Variants in MYO1E observed in about 807,000 individuals in gnomAD.
MYO1E encodes myosin IE.
In MYO1E, 68 loss-of-function variants were observed where a neutral mutation model predicts 151.1. The observed-to-expected ratio is 0.45, with a 90% CI of 0.37 to 0.55. MYO1E has a LOEUF of 0.55. MYO1E is among the 20% of genes least tolerant of loss of function. The probability of loss-of-function intolerance (pLI) is 0.00; values close to 1 mark genes in which losing one functional copy is unlikely to be tolerated. For missense variants in MYO1E, 1,363 were observed against 1,389.3 expected (o/e 0.98, Z 0.30); for synonymous variants, 601 against 501.7 (o/e 1.20, Z -2.64).
chr15:59,207,829 ACTT>A, intron 14 of MYO1E: 1 of 1,614,144 alleles, frequency 6.2e-7, no homozygotes, highest in Non-Finnish European at 8.5e-7. Flanking sequence ...GAAAGGTTAT[ACTT>A]CTTGGGCCAT....
rs1252792695 is a variant in MYO1E at position 59,163,313 on chromosome 15, G to A, written c.2481-10C>T. 1.2e-6 allele frequency: 2 copies of A among 1,611,826 alleles called. No individual in the cohort carries two copies. The highest frequency in any genetic ancestry group is 1.3e-5 in the African/African-American group (1 of 74,840). On this transcript the variant is annotated splice_polypyrimidine_tract_variant and intron_variant, in intron 22 of 27. Coordinates refer to ENST00000288235, the MANE Select transcript of MYO1E (RefSeq NM_004998.4). ...GTCATCCTGCATAGTACTGTAAAGA[G>A]ATTGGACAAACACACTTGGTGAAAG...
chr15:59,200,596 G>A (rs139366805), intron 16 of MYO1E, among the ~76,000 whole-genome samples: 2 of 152,128 alleles, frequency 1.3e-5, no homozygotes, highest in Non-Finnish European at 2.9e-5. Flanking sequence ...ACCAGCCTAG[G>A]TGACATTGTG....
At chr15:59,330,350 C>T (rs1011441642) in intron 1 of MYO1E, among the ~76,000 whole-genome samples, 1 of 152,170 alleles carries the variant, frequency 6.6e-6, no homozygotes, top group Non-Finnish European at 1.5e-5. Context: ...TGCTCACCCT[C>T]GAATCCAGTT....
At position 59,308,689 on chromosome 15, in the gene MYO1E, AT is replaced by A. The variant is rs1449950943; in HGVS notation, c.4-36241del. On this transcript the variant is annotated intron_variant, in intron 1 of 27. Transcript: ENST00000288235. The stretch of plus-strand genomic sequence containing the variant: ...ACCATCTCAAAAAAAAAAAAAAAAA[AT>A]TAGCTGGGCATGGTGGCAGGTGCCC... Among the ~76,000 whole-genome samples the A allele has an allele frequency of 3.9e-5, 5 of 128,372 alleles. No homozygotes were observed. The East Asian group carries it at 1.2e-3, about 31-fold the overall frequency. The allele number at this position is 128,372 out of a possible 152,430, so 84.2% of individuals were successfully genotyped here. A position where few individuals can be genotyped will look rare whatever the true frequency, so the allele number is the denominator to read the frequency against.
At chr15:59,256,638 T>C (rs1364334352) in intron 3 of MYO1E, among the ~76,000 whole-genome samples, 1 of 152,130 alleles carries the variant, frequency 6.6e-6, no homozygotes, top group East Asian at 1.9e-4. Flanking sequence ...ATATCCATGA[T>C]TCAGCCTTCC....
At chr15:59,207,261 G>A in intron 14 of MYO1E, 2 of 1,614,228 alleles carry the variant, frequency 1.2e-6, no homozygotes, top group Non-Finnish European at 1.7e-6. Flanking sequence ...AAGACAAACT[G>A]AAGGGTGAGA....
Position 59,134,367 on chromosome 15 carries a change from CTG to C in MYO1E, c.*3011_*3012del, listed in dbSNP as rs2079360427. 1 of 152,220 alleles carries C rather than the reference CTG, an allele frequency of 6.6e-6. No individual in the cohort carries two copies. The highest frequency in any genetic ancestry group is 2.4e-5 in the African/African-American group (1 of 41,442). The allele number at this position is 152,220 out of a possible 1,614,324, so 9.4% of individuals were successfully genotyped here. A position where few individuals can be genotyped will look rare whatever the true frequency, so the allele number is the denominator to read the frequency against. ...TGTCTCTGTATTGTTTCACAAAACA[CTG>C]TGGAAGAGACGGCCCTTTTGCATGT... On this transcript the variant is annotated 3_prime_UTR_variant, in exon 28 of 28. Transcript: ENST00000288235.
intron 1 of MYO1E, among the ~76,000 whole-genome samples, chr15:59,302,476 C>T (rs1378203905): frequency 6.6e-6 from 1 of 152,226 alleles, no homozygotes; most frequent in Non-Finnish European, 1.5e-5. Flanking sequence ...CTTAGTCTCA[C>T]TTTCCTCATC....
chr15:59,302,258 G>A (rs2080487589), intron 1 of MYO1E, among the ~76,000 whole-genome samples: 1 of 152,158 alleles, frequency 6.6e-6, no homozygotes, highest in Non-Finnish European at 1.5e-5. Context: ...AATTAACGAA[G>A]GCACTGTCCT....
rs755738215 is a variant in MYO1E at position 59,227,579 on chromosome 15, A to G, written c.522T>C (p.Phe174=). Residue 174 remains phenylalanine (F), a synonymous_variant, in exon 7 of 28, where the codon TTT becomes TTC. Coordinates refer to ENST00000288235, the MANE Select transcript of MYO1E (RefSeq NM_004998.4). The part of the protein sequence containing the change: ...NNNSSRFGKY[F]EIQFSPGGEP... ...CCCCACCTGGACTGAACTGGATTTCAAAGTATTTTCCCTGCAAGAAAGTTA... is the reference window on the plus strand; with the variant it reads ...CCCCACCTGGACTGAACTGGATTTCGAAGTATTTTCCCTGCAAGAAAGTTA... 1 of 1,614,192 alleles carries G rather than the reference A, an allele frequency of 6.2e-7. No homozygotes were observed. The highest frequency in any genetic ancestry group is 2.2e-5 in the East Asian group (1 of 44,880).
intron 25 of MYO1E, among the ~76,000 whole-genome samples, chr15:59,157,815 G>A (rs146723528): frequency 1.3e-5 from 2 of 152,346 alleles, no homozygotes; most frequent in African/African-American, 4.8e-5. Flanking sequence ...GATAGGTTTT[G>A]GTAATATCTG....
At chr15:59,188,065 A>T in intron 18 of MYO1E, 53 bp downstream of exon 18, 1 of 1,338,508 alleles carries the variant, frequency 7.5e-7, no homozygotes, top group Non-Finnish European at 1.1e-6. Context: ...ATAGATTTGA[A>T]TTATAGCTCA....
intron 7 of MYO1E, among the ~76,000 whole-genome samples, chr15:59,226,440 G>C (rs1049460594): frequency 6.6e-6 from 1 of 152,136 alleles, no homozygotes; most frequent in Non-Finnish European, 1.5e-5. Flanking sequence ...ATACTAATAA[G>C]TAAATAGAAC....
At chr15:59,176,865 T>A (rs1159345640) in intron 19 of MYO1E, among the ~76,000 whole-genome samples, 1 of 151,968 alleles carries the variant, frequency 6.6e-6, no homozygotes, top group East Asian at 1.9e-4. Flanking sequence ...CGTGTGTGAG[T>A]GCATGTGTCA....
rs542281660 is a variant in MYO1E at position 59,272,409 on chromosome 15, T to A, written c.44A>T (p.Asn15Ile). 1.2e-6 allele frequency: 2 copies of A among 1,614,138 alleles called. No homozygotes were observed. The highest frequency in any genetic ancestry group is 2.2e-5 in the East Asian group (1 of 44,892). ...GTCGTCCACACCACTGTGCTTGACA[T>A]TGTGGCTTTGCCAGTGGTACTGGTA... Reference protein sequence around the residue: ...GVYQYHWQSHNVKHSGVDDMV... With the variant: ...GVYQYHWQSHIVKHSGVDDMV... Residue 15 changes from asparagine to isoleucine, a missense_variant, in exon 2 of 28, where the codon AAT (asparagine) becomes ATT (isoleucine). Asn to Ile is a moderately radical substitution (Grantham distance 149). Transcript: ENST00000288235.
chr15:59,152,453 T>G (rs17269496), intron 26 of MYO1E, among the ~76,000 whole-genome samples: 6,746 of 152,164 alleles, frequency 0.044, 224 homozygotes, highest in African/African-American at 0.091. Context: ...CATTACTAGC[T>G]TTAGCAGACA....
At chr15:59,260,276 G>A (rs891702074) in intron 3 of MYO1E, among the ~76,000 whole-genome samples, 1 of 152,238 alleles carries the variant, frequency 6.6e-6, no homozygotes, top group Non-Finnish European at 1.5e-5. Flanking sequence ...GGCAGGGCCA[G>A]CCTCTGCTGA....
At chr15:59,255,184 A>T (rs1283669205) in intron 4 of MYO1E, among the ~76,000 whole-genome samples, 1 of 151,832 alleles carries the variant, frequency 6.6e-6, no homozygotes, top group Admixed American at 6.6e-5. Context: ...GCACAATCTC[A>T]GCTCAATGCA....
In MYO1E at chr15:59,207,426, T is replaced by A. The variant is rs1447496191; in HGVS notation, c.1530+1255A>T. The stretch of plus-strand genomic sequence containing the variant: ...CGCGCCTTAATTTAGTCCAGCGAAA[T>A]GTGGCCATCTTCAAGTTAATGATTT... On this transcript the variant is annotated intron_variant, in intron 14 of 27. Coordinates refer to ENST00000288235, the MANE Select transcript of MYO1E (RefSeq NM_004998.4). The A allele has an allele frequency of 4.3e-6, 7 of 1,613,914 alleles. No individual in the cohort carries two copies. The Admixed American group carries it at 1.2e-4, about 27-fold the overall frequency.
Sources: allele counts gnomAD v4.1 joint callset (sites outside exome capture counted in the v4.1 genomes callset), GRCh38; gene constraint gnomAD v4.1.1; transcripts MANE v1.5; gene names NCBI Gene and HGNC (gene_info 2026-07-23, HGNC 2026-07-21).